The following AGBL4 variants were observed in gnomAD, a reference collection of about 807,000 sequenced individuals.
The protein encoded by AGBL4 is AGBL carboxypeptidase 4.
In AGBL4, 58 loss-of-function variants were observed where a neutral mutation model predicts 66.4. The ratio of observed to expected loss-of-function variants is 0.87; its 90% confidence interval spans 0.71 to 1.09. The LOEUF (loss-of-function observed/expected upper bound fraction) is 1.09. Ranked by LOEUF, AGBL4 falls within the 50% of genes least tolerant of loss-of-function variation. AGBL4 has a pLI of 0.00. For missense variants in AGBL4, 579 were observed against 631.0 expected (o/e 0.92, Z 0.88); for synonymous variants, 234 against 222.9 (o/e 1.05, Z -0.44).
intron 3 of AGBL4, among the ~76,000 whole-genome samples, chr1:49,483,765 A>C (rs1647006495): frequency 6.6e-6 from 1 of 151,944 alleles, no homozygotes; most frequent in African/African-American, 2.4e-5. Flanking sequence ...ATCATGTTAA[A>C]AAAAAAAGAA....
chr1:48,843,390 G>T (rs959588416), intron 6 of AGBL4, among the ~76,000 whole-genome samples: 1 of 151,962 alleles, frequency 6.6e-6, no homozygotes, highest in African/African-American at 2.4e-5. Context: ...TAAAATGGAG[G>T]TTTTAAAATT....
At chr1:49,741,214 G>A (rs1650430011) in intron 2 of AGBL4, among the ~76,000 whole-genome samples, 1 of 152,004 alleles carries the variant, frequency 6.6e-6, no homozygotes, top group South Asian at 2.1e-4. Context: ...AATGATAAAG[G>A]GGCTATCATC....
chr1:49,883,767 A>G (rs1218181496), intron 1 of AGBL4, among the ~76,000 whole-genome samples: 2 of 152,014 alleles, frequency 1.3e-5, no homozygotes, highest in African/African-American at 2.4e-5. Context: ...ATTACAATAT[A>G]ATGAGATGAA....
At chr1:49,811,486 C>G (rs1404698634) in intron 2 of AGBL4, among the ~76,000 whole-genome samples, 1 of 151,772 alleles carries the variant, frequency 6.6e-6, no homozygotes. Flanking sequence ...TCTTAGCTAC[C>G]CAACTATTAA....
intron 2 of AGBL4, among the ~76,000 whole-genome samples, chr1:49,765,347 C>T (rs1037999537): frequency 6.6e-6 from 1 of 152,002 alleles, no homozygotes; most frequent in African/African-American, 2.4e-5. Context: ...CAGGGCTATA[C>T]AAGCAAAGCC....
At chr1:49,125,512 G>C (rs1032066437) in intron 4 of AGBL4, among the ~76,000 whole-genome samples, 1 of 152,110 alleles carries the variant, frequency 6.6e-6, no homozygotes, top group Non-Finnish European at 1.5e-5. Context: ...AATAGATCAA[G>C]TGTATATGGA....
intron 1 of AGBL4, among the ~76,000 whole-genome samples, chr1:49,916,564 C>A (rs1487805460): frequency 6.6e-6 from 1 of 152,162 alleles, no homozygotes; most frequent in Non-Finnish European, 1.5e-5. Context: ...AACAAAGCCT[C>A]CAAGAAATAT....
At chr1:49,099,934 T>G (rs1360648313) in intron 4 of AGBL4, among the ~76,000 whole-genome samples, 1 of 152,194 alleles carries the variant, frequency 6.6e-6, no homozygotes, top group Non-Finnish European at 1.5e-5. Context: ...CACACAAGCA[T>G]TCATTCTCTT....
intron 2 of AGBL4, among the ~76,000 whole-genome samples, chr1:49,807,269 G>A (rs1239036493): frequency 6.6e-6 from 1 of 152,146 alleles, no homozygotes; most frequent in Non-Finnish European, 1.5e-5. Context: ...ATTAGGGCAG[G>A]GTTACCCAGA....
At chr1:49,063,637 G>A (rs1644441299) in intron 4 of AGBL4, among the ~76,000 whole-genome samples, 1 of 152,144 alleles carries the variant, frequency 6.6e-6, no homozygotes, top group Admixed American at 6.5e-5. Context: ...AAACATATAT[G>A]GCAGGTGGTG....
At chr1:49,123,168 T>C (rs1343093890) in intron 4 of AGBL4, among the ~76,000 whole-genome samples, 1 of 152,196 alleles carries the variant, frequency 6.6e-6, no homozygotes, top group African/African-American at 2.4e-5. Flanking sequence ...AGCTACTATA[T>C]TGTTATTGCC....
chr1:49,814,249 T>C (rs1201956616), intron 2 of AGBL4, among the ~76,000 whole-genome samples: 5 of 152,144 alleles, frequency 3.3e-5, no homozygotes, highest in African/African-American at 4.8e-5. Flanking sequence ...AAATGTACCA[T>C]ATAAGTATCT....
At chr1:48,812,689 A>AACCAACCCAAGTTGGTT in intron 6 of AGBL4, among the ~76,000 whole-genome samples, 1 of 152,230 alleles carries the variant, frequency 6.6e-6, no homozygotes, top group Non-Finnish European at 1.5e-5. Context: ...TATTCACAAC[A>AACCAACCCAAGTTGGTT]GCAAAGACTT....
intron 6 of AGBL4, among the ~76,000 whole-genome samples, chr1:48,786,137 G>T (rs1224529449): frequency 1.3e-5 from 2 of 152,124 alleles, no homozygotes; most frequent in Non-Finnish European, 2.9e-5. Flanking sequence ...ATTTTCTTAA[G>T]AATGTCTCTC....
rs181388600 is a variant in AGBL4 at position 49,249,824 on chromosome 1, G to A, written c.283-3960C>T. ...GTCAGGATATGGAATCAACCTAAGT[G>A]TGGATCAATGGATGAATGGATAAAA... is the stretch of plus-strand genomic sequence containing the variant. On this transcript the variant is annotated intron_variant, in intron 3 of 13. Transcript: ENST00000371839. Among the ~76,000 whole-genome samples, 4 of 152,316 alleles carry A rather than the reference G, an allele frequency of 2.6e-5. No individual in the cohort carries two copies. The East Asian group carries it at 7.7e-4, about 29-fold the overall frequency.
chr1:49,944,243 C>T lies in AGBL4; in HGVS notation c.34+79520G>A, dbSNP rs563091487. Among the ~76,000 whole-genome samples the T allele has an allele frequency of 3.3e-5, 5 of 152,226 alleles. No individual in the cohort carries two copies. In the South Asian group the frequency reaches 6.2e-4, roughly 19 times the overall value. ...CGCCACCTCCTGACAGGAGGCCAAC[C>T]AGCATAGAAATAGTACATTAAACAA... On this transcript the variant is annotated intron_variant, in intron 1 of 13. Coordinates refer to ENST00000371839, the MANE Select transcript of AGBL4 (RefSeq NM_032785.4).
At chr1:48,571,558 A>C (rs1644564210) in intron 11 of AGBL4, among the ~76,000 whole-genome samples, 5 of 152,222 alleles carry the variant, frequency 3.3e-5, no homozygotes, top group Admixed American at 3.3e-4. Flanking sequence ...CTGCTGAAGG[A>C]ATGCTCTTGA....
chr1:49,170,225 A>C (rs1399866457), intron 4 of AGBL4, among the ~76,000 whole-genome samples: 2 of 146,280 alleles, frequency 1.4e-5, no homozygotes, highest in Admixed American at 6.9e-5. Flanking sequence ...TCATATAAAT[A>C]TGTTATAAAT....
chr1:49,696,915 T>C (rs1646996667), intron 3 of AGBL4, among the ~76,000 whole-genome samples: 1 of 152,150 alleles, frequency 6.6e-6, no homozygotes, highest in South Asian at 2.1e-4. Context: ...AAGAAAAGCT[T>C]CTCTTTTGAA....
Sources: allele counts gnomAD v4.1 joint callset (sites outside exome capture counted in the v4.1 genomes callset), GRCh38; gene constraint gnomAD v4.1.1; transcripts MANE v1.5; gene names NCBI Gene and HGNC (gene_info 2026-07-23, HGNC 2026-07-21).